RELN: variants seen among roughly 807,000 people sequenced by gnomAD.
The protein encoded by RELN is reelin.
RELN carries 108 observed loss-of-function variants against 427.6 expected under a neutral mutation model. The ratio of observed to expected loss-of-function variants is 0.25; its 90% confidence interval spans 0.22 to 0.30. The LOEUF is 0.30. Ranked by LOEUF, RELN falls within the 10% of genes least tolerant of loss-of-function variation. The probability of loss-of-function intolerance (pLI) is 1.00; values close to 1 mark genes in which losing one functional copy is unlikely to be tolerated. For missense variants in RELN, 3,715 were observed against 4,302.8 expected, an observed-to-expected ratio of 0.86 and a Z score of 3.82; for synonymous variants, 1,524 against 1,513.4, an observed-to-expected ratio of 1.01 and a Z score of -0.16.
At chr7:103,666,065 A>G (rs1833259473) in intron 11 of RELN, among the ~76,000 whole-genome samples, 2 of 149,976 alleles carry the variant, frequency 1.3e-5, no homozygotes, top group African/African-American at 4.9e-5. Flanking sequence ...TTTATTTTTT[A>G]TTTATTTATT....
At chr7:103,839,050 G>A (rs535267697) in intron 2 of RELN, among the ~76,000 whole-genome samples, 1 of 152,296 alleles carries the variant, frequency 6.6e-6, no homozygotes, top group East Asian at 1.9e-4. Context: ...CAATTCTAAT[G>A]TCTAGCCAAT....
intron 2 of RELN, among the ~76,000 whole-genome samples, chr7:103,862,775 G>A (rs181029200): frequency 2.0e-3 from 310 of 152,246 alleles, no homozygotes; most frequent in Non-Finnish European, 2.9e-3. Flanking sequence ...TCCATTGGCA[G>A]CCAGGACACT....
chr7:103,486,355 G>T lies in RELN; in HGVS notation c.9825C>A (p.Ser3275=). ...LPSYIKDNFE[S]ARVTEANWET... is the part of the protein sequence containing the mutation. ...CCCAGTTTGCCTCGGTGACTCTTGC[G>T]GACTCAAAATTATCTTTAATATAAC... The change falls in exon 61 of 65, where the codon TCC becomes TCA. Residue 3275 remains serine (S), a synonymous_variant. Coordinates refer to ENST00000428762, the MANE Select transcript of RELN (RefSeq NM_005045.4). 1.9e-6 allele frequency: 3 copies of T among 1,614,002 alleles called. No homozygotes were observed. The highest frequency in any genetic ancestry group is 2.5e-6 in the Non-Finnish European group (3 of 1,179,982).
At chr7:103,622,809 CTGGAATATTATT>C (rs1404780939) in intron 20 of RELN, among the ~76,000 whole-genome samples, 1 of 148,454 alleles carries the variant, frequency 6.7e-6, no homozygotes, top group Admixed American at 6.8e-5. Context: ...GGAATATTAT[CTGGAATATTATT>C]ATGAATTTGA....
At chr7:103,798,440 C>T (rs1267138909) in intron 3 of RELN, among the ~76,000 whole-genome samples, 5 of 152,142 alleles carry the variant, frequency 3.3e-5, no homozygotes, top group Non-Finnish European at 7.4e-5. Context: ...AGCTAATGCC[C>T]ATGAATATCT....
chr7:103,516,065 A>G (rs1829560633), intron 49 of RELN, among the ~76,000 whole-genome samples: 1 of 152,158 alleles, frequency 6.6e-6, no homozygotes. Context: ...CCAGCATGCT[A>G]TCTATCCCTG....
chr7:103,592,838 A>G lies in RELN; in HGVS notation c.3912+844T>C, dbSNP rs112265498. On this transcript the variant is annotated intron_variant, in intron 27 of 64. Transcript: ENST00000428762. Reference sequence around the variant, plus strand: ...TACCAACAAATGAATATAGATTCATATATTGTTATTGATATTTTTCCATTG... The same window carrying G: ...TACCAACAAATGAATATAGATTCATGTATTGTTATTGATATTTTTCCATTG... Among the ~76,000 whole-genome samples, 486 of 152,308 alleles carry G rather than the reference A, an allele frequency of 3.2e-3. 3 individuals carry two copies. Among genetic ancestry groups the G allele is most frequent in the African/African-American group, 0.011 (458 of 41,576 alleles).
chr7:103,500,922 A>G lies in RELN; in HGVS notation c.8490T>C (p.Asn2830=), dbSNP rs1279651114. The G allele has an allele frequency of 2.5e-6, 4 of 1,614,026 alleles. No homozygotes were observed. The highest frequency in any genetic ancestry group is 2.5e-6 in the Non-Finnish European group (3 of 1,179,898). Residue 2830 remains asparagine, a splice_region_variant and synonymous_variant, in exon 53 of 65, where the codon AAT becomes AAC. Transcript: ENST00000428762. The part of the protein sequence containing the change: ...TYPLPESLVG[N]PVRFRFYQKY... Reference sequence around the variant, plus strand: ...TCTGATAGAACCTAAACCTTACCGGACTATTGACAATGCAAAAGCAAAGGA... The same window carrying G: ...TCTGATAGAACCTAAACCTTACCGGGCTATTGACAATGCAAAAGCAAAGGA...
intron 1 of RELN, among the ~76,000 whole-genome samples, chr7:103,919,878 CT>C (rs1795574414): frequency 6.6e-6 from 1 of 152,142 alleles, no homozygotes; most frequent in African/African-American, 2.4e-5. Flanking sequence ...ATTTTAAAAA[CT>C]GAGGTTCACA....
chr7:103,983,596 T>C (rs1563124667), intron 1 of RELN, among the ~76,000 whole-genome samples: 2 of 152,360 alleles, frequency 1.3e-5, no homozygotes, highest in East Asian at 1.9e-4. Flanking sequence ...TGAAATGCTA[T>C]AGAGTTCAGT....
At position 103,640,694 on chromosome 7, in the gene RELN, G is replaced by T; in HGVS notation, c.2003-85C>A. ...TGTGAAGTAATACTCATGAAATATG[G>T]CCCCTTGTGTGTATGTTGTGTGCAG... On this transcript the variant is annotated intron_variant, in intron 16 of 64. Transcript: ENST00000428762. The surrounding 1 kb of genome is among the most constrained non-coding windows in gnomAD (Gnocchi z 4.1). The T allele has an allele frequency of 7.3e-7, 1 of 1,366,088 alleles. No homozygotes were observed. Among genetic ancestry groups the T allele is most frequent in the Non-Finnish European group, 1.0e-6 (1 of 973,312 alleles). 84.6% of individuals were successfully genotyped at this position (1,366,088 alleles called of 1,614,324 possible).
chr7:103,947,045 A>C lies in RELN; in HGVS notation c.227-29860T>G, dbSNP rs187253938. On this transcript the variant is annotated intron_variant, in intron 1 of 64. Coordinates refer to ENST00000428762, the MANE Select transcript of RELN (RefSeq NM_005045.4). ...GAAATAATAGGATAATATCCCCCCA[A>C]ATGAATTCACCCATTCCGAGTCCTC... 2.9e-3 allele frequency among the ~76,000 whole-genome samples: 434 copies of C among 152,254 alleles called. 3 individuals are homozygous for C. Among genetic ancestry groups the C allele is most frequent in the African/African-American group, 9.1e-3 (380 of 41,556 alleles).
intron 41 of RELN, 23 bp from the exon 42 acceptor site, chr7:103,545,367 C>A: frequency 6.5e-7 from 1 of 1,532,016 alleles, no homozygotes; most frequent in Non-Finnish European, 9.0e-7. Flanking sequence ...ACAAGTCTTT[C>A]AAAAGCTAAT....
Position 103,989,365 on chromosome 7 carries a change from C to CGCCGCCGCG in RELN, c.-10_-9insCGCGGCGGC, listed in dbSNP as rs1797176948. 7.1e-7 allele frequency: 1 copy of CGCCGCCGCG among 1,414,976 alleles called. No individual in the cohort carries two copies. The highest frequency in any genetic ancestry group is 9.2e-7 in the Non-Finnish European group (1 of 1,084,756). 87.7% of individuals were successfully genotyped at this position (1,414,976 alleles called of 1,614,324 possible). The stretch of plus-strand genomic sequence containing the variant: ...CAGCCACTGCGCTCCATGCCGCCGC[C>CGCCGCCGCG]GCCGCCGCCGCCGCCGCGCGCCCTA... On this transcript the variant is annotated 5_prime_UTR_variant, in exon 1 of 65. Transcript: ENST00000428762. The surrounding 1 kb of genome is among the most constrained non-coding windows in gnomAD (Gnocchi z 4.9).
At chr7:103,857,299 T>C (rs1163932565) in intron 2 of RELN, among the ~76,000 whole-genome samples, 1 of 152,216 alleles carries the variant, frequency 6.6e-6, no homozygotes, top group Non-Finnish European at 1.5e-5. Flanking sequence ...TGAATGTTTT[T>C]AAGAAATGAG....
intron 36 of RELN, 30 bp from the exon 37 acceptor site, chr7:103,558,079 CTT>C: frequency 1.9e-6 from 2 of 1,056,598 alleles, no homozygotes; most frequent in Non-Finnish European, 3.0e-6. Context: ...CGTTAAGCAA[CTT>C]TTTTTCACTT....
intron 2 of RELN, among the ~76,000 whole-genome samples, chr7:103,885,452 C>G (rs1794704551): frequency 6.6e-6 from 1 of 152,092 alleles, no homozygotes. Flanking sequence ...ATGGATGAAG[C>G]TGGAAACCAT....
chr7:103,880,581 A>C (rs62482300), intron 2 of RELN, among the ~76,000 whole-genome samples: 1 of 152,062 alleles, frequency 6.6e-6, no homozygotes, highest in African/African-American at 2.4e-5. Flanking sequence ...CAAGGTTCAA[A>C]TTTCTGCTCC....
rs141248611 is a variant in RELN, at chr7:103,837,276, A to G, written c.338-3604T>C. 1.7e-4 allele frequency among the ~76,000 whole-genome samples: 26 copies of G among 152,306 alleles called. No homozygotes were observed. The East Asian group carries it at 4.6e-3, about 27-fold the overall frequency. ...GATCATGTCAATCCCTGTGAAATCT[A>G]CTTACATGGCTCCCATCAGATTCTA... On this transcript the variant is annotated intron_variant, in intron 2 of 64. Transcript: ENST00000428762.
Sources: gnomAD v4.1 joint callset for allele counts (sites outside exome capture counted in the v4.1 genomes callset) on GRCh38, gnomAD v4.1.1 for gene constraint, Gnocchi (gnomAD v3.1) non-coding constraint, MANE v1.5 for transcripts, NCBI Gene and HGNC (gene_info 2026-07-23, HGNC 2026-07-21) for gene names.